SHKBP1: variants seen among roughly 807,000 people sequenced by gnomAD.
SHKBP1 encodes SH3KBP1 binding protein 1, also known as SH3KBP1-binding protein 1.
In SHKBP1, 71 loss-of-function variants were observed where a neutral mutation model predicts 83.9. The observed-to-expected ratio is 0.85, with a 90% CI of 0.70 to 1.03. The LOEUF (loss-of-function observed/expected upper bound fraction) is 1.03, where lower values mean the gene tolerates loss of function less well. SHKBP1 is among the 50% of genes least tolerant of loss of function. The pLI is 0.00. For missense variants in SHKBP1, 824 were observed against 982.4 expected (o/e 0.84, Z 2.16); for synonymous variants, 371 against 398.0 (o/e 0.93, Z 0.81).
intron 13 of SHKBP1, 78 bp from the exon 14 acceptor site, chr19:40,588,546 T>C: frequency 6.4e-7 from 1 of 1,565,450 alleles, no homozygotes; most frequent in Non-Finnish European, 8.8e-7. Context: ...GAAACGGGGC[T>C]GTCCTGAGGC....
intron 12 of SHKBP1, among the ~76,000 whole-genome samples, chr19:40,586,024 C>T (rs958763767): frequency 3.9e-5 from 6 of 151,922 alleles, no homozygotes; most frequent in Admixed American, 2.6e-4. Context: ...CCTACTTCAG[C>T]CTCTTGAGTA....
chr19:40,582,772 T>C (rs544767737), intron 10 of SHKBP1, among the ~76,000 whole-genome samples: 16 of 151,932 alleles, frequency 1.1e-4, no homozygotes, highest in South Asian at 4.2e-4. Flanking sequence ...AAGAACTGGC[T>C]TGGCTCGGTG....
At chr19:40,588,923 C>A in intron 14 of SHKBP1, 144 bp downstream of exon 14, 2 of 1,297,766 alleles carry the variant, frequency 1.5e-6, no homozygotes, top group South Asian at 1.3e-5. Context: ...CTGAGCTCCA[C>A]TGACTGCCAC....
At position 40,590,652 on chromosome 19, in the gene SHKBP1, G is replaced by A; in HGVS notation, c.1769-78G>A. The stretch of plus-strand genomic sequence containing the variant: ...CCTCTCTCCTGTCCTGACCCTCGGT[G>A]CTTGCACTGCAATGCAACCCAGGCC... On this transcript the variant is annotated intron_variant, in intron 16 of 17. Transcript: ENST00000291842. The surrounding 1 kb of genome is among the most constrained non-coding windows in gnomAD (Gnocchi z 4.6). 1 of 1,493,660 alleles carries A rather than the reference G, an allele frequency of 6.7e-7. No homozygotes were observed. Among genetic ancestry groups the A allele is most frequent in the South Asian group, 1.3e-5 (1 of 76,986 alleles). The allele number at this position is 1,493,660 out of a possible 1,614,324, so 92.5% of individuals were successfully genotyped here.
chr19:40,578,018 C>A, intron 4 of SHKBP1, 136 bp from the exon 5 acceptor site: 1 of 744,158 alleles, frequency 1.3e-6, no homozygotes, highest in Non-Finnish European at 2.4e-6. Flanking sequence ...CCCATATCAT[C>A]ACTCCTTAGC....
chr19:40,591,212 C>T lies in SHKBP1; in HGVS notation c.*5C>T, dbSNP rs758228415. 1.8e-5 allele frequency: 29 copies of T among 1,569,784 alleles called. 1 individual carries two copies. Among genetic ancestry groups the T allele is most frequent in the South Asian group, 1.0e-4 (9 of 86,248 alleles). On this transcript the variant is annotated 3_prime_UTR_variant, in exon 18 of 18. Coordinates refer to ENST00000291842, the MANE Select transcript of SHKBP1 (RefSeq NM_138392.4). Reference sequence around the variant, plus strand: ...CTCAATGAAACTTCCTTTTGAACAACGCAGCTGCCATGATGCCTTGGGATG... The same window carrying T: ...CTCAATGAAACTTCCTTTTGAACAATGCAGCTGCCATGATGCCTTGGGATG...
chr19:40,588,126 G>A (rs949729526), intron 13 of SHKBP1, among the ~76,000 whole-genome samples: 8 of 152,198 alleles, frequency 5.3e-5, no homozygotes, highest in Admixed American at 3.3e-4. Context: ...GCTCTGAGGT[G>A]AGAGGATGCC....
intron 14 of SHKBP1, 69 bp downstream of exon 14, chr19:40,588,848 T>C: frequency 6.4e-7 from 1 of 1,573,780 alleles, no homozygotes; most frequent in Non-Finnish European, 8.6e-7. Flanking sequence ...CCTCCGCTGA[T>C]TCCCACTTGC....
Position 40,580,393 on chromosome 19 carries a change from CT to C in SHKBP1, c.471del (p.Val158SerfsTer57), listed in dbSNP as rs748768116. The C allele has an allele frequency of 6.2e-7, 1 of 1,614,254 alleles. No individual in the cohort carries two copies. Among genetic ancestry groups the C allele is most frequent in the Non-Finnish European group, 8.5e-7 (1 of 1,180,052 alleles). ...GPQQLGGRPA[P>X]VRRSNTMPPN... ...CAGCAGCTAGGAGGACGGCCAGCCCCTGTCCGACGGAGCAACACGATGCCCC... is the reference window on the plus strand; with the variant it reads ...CAGCAGCTAGGAGGACGGCCAGCCCCGTCCGACGGAGCAACACGATGCCCC... On this transcript the variant is annotated frameshift_variant, in exon 7 of 18. Coordinates refer to ENST00000291842, the MANE Select transcript of SHKBP1 (RefSeq NM_138392.4). LOFTEE classifies it high-confidence loss of function.
chr19:40,591,310 G>A lies in SHKBP1; in HGVS notation c.*103G>A. The A allele has an allele frequency of 5.0e-6, 5 of 1,001,546 alleles. No homozygotes were observed. Among genetic ancestry groups the A allele is most frequent in the Non-Finnish European group, 5.7e-6 (4 of 700,270 alleles). The allele number at this position is 1,001,546 out of a possible 1,614,324, so 62.0% of individuals were successfully genotyped here. ...CCGGGTTCAGGGCCAGGGCCTCCTT[G>A]GAATAAATGGTTATTGTTACTAGGT... is the stretch of plus-strand genomic sequence containing the variant. On this transcript the variant is annotated 3_prime_UTR_variant, in exon 18 of 18. Transcript: ENST00000291842.
In SHKBP1 at chr19:40,576,962, T is replaced by C. The variant is rs16974365; in HGVS notation, c.63T>C (p.Ile21=). Residue 21 remains isoleucine (I), a synonymous_variant, in exon 1 of 18, where the codon ATT becomes ATC. Coordinates refer to ENST00000291842, the MANE Select transcript of SHKBP1 (RefSeq NM_138392.4). The part of the protein sequence containing the change: ...VPSRGPPGEV[I]HLNVGGKRFS... ...GTCGGGGGCCTCCCGGGGAAGTCAT[T>C]CATCTGAATGTGGGAGGCAAGAGGT... is the stretch of plus-strand genomic sequence containing the variant. 0.18 allele frequency: 274,065 copies of C among 1,504,464 alleles called. 26,693 individuals are homozygous for C. Among genetic ancestry groups the C allele is most frequent in the East Asian group, 0.23 (9,303 of 40,286 alleles). 93.2% of individuals were successfully genotyped at this position (1,504,464 alleles called of 1,614,324 possible).
chr19:40,588,574 C>T (rs754275419), intron 13 of SHKBP1, 50 bp from the exon 14 acceptor site: 2 of 1,609,946 alleles, frequency 1.2e-6, no homozygotes, highest in Non-Finnish European at 1.7e-6. Flanking sequence ...GGGCAGGCAG[C>T]ATTGATGCCT....
rs375160057 is a variant in SHKBP1, at chr19:40,589,772, G to A, written c.1590-472G>A. ...TGCAGAGGCTGAGAAGGGCCAAATA[G>A]GGTCACATGGGAAGGACACGTGGGC... is the stretch of plus-strand genomic sequence containing the variant. On this transcript the variant is annotated intron_variant, in intron 15 of 17. Coordinates refer to ENST00000291842, the MANE Select transcript of SHKBP1 (RefSeq NM_138392.4). Among the ~76,000 whole-genome samples the A allele has an allele frequency of 7.2e-5, 11 of 152,214 alleles. No homozygotes were observed. In the East Asian group the frequency reaches 1.2e-3, roughly 16 times the overall value.
chr19:40,587,048 G>C, intron 13 of SHKBP1, 104 bp downstream of exon 13: 1 of 1,112,194 alleles, frequency 9.0e-7, no homozygotes, highest in Non-Finnish European at 1.3e-6. Context: ...TGTGTAGGAA[G>C]AGAGCTCTGG....
At chr19:40,587,689 C>T (rs1377480481) in intron 13 of SHKBP1, among the ~76,000 whole-genome samples, 1 of 152,134 alleles carries the variant, frequency 6.6e-6, no homozygotes, top group African/African-American at 2.4e-5. Flanking sequence ...TTGCTTGAGG[C>T]TAGGAGTGTG....
chr19:40,578,313 A>G (rs1599836817), intron 5 of SHKBP1, 101 bp downstream of exon 5: 1 of 1,466,144 alleles, frequency 6.8e-7, no homozygotes, highest in Middle Eastern at 1.8e-4. Flanking sequence ...GGGCTGGGGT[A>G]GAGGTGGGAG....
In SHKBP1 at chr19:40,580,565, G is replaced by A; in HGVS notation, c.563-1G>A. 6 of 1,614,166 alleles carry A rather than the reference G, an allele frequency of 3.7e-6. No homozygotes were observed. Among genetic ancestry groups the A allele is most frequent in the Non-Finnish European group, 5.1e-6 (6 of 1,180,024 alleles). On this transcript the variant is annotated splice_acceptor_variant, in intron 7 of 17. Coordinates refer to ENST00000291842, the MANE Select transcript of SHKBP1 (RefSeq NM_138392.4). LOFTEE classifies it high-confidence loss of function. ...TTCTGATCCCTACTCTTCCCCTCAA[G>A]GACAACCTGAGGAGCCGGGGATGGT...
In SHKBP1 at chr19:40,577,378, G is replaced by T; in HGVS notation, c.141-18G>T. ...CTCCCCCGGCCCGTGACGCCTGCTC[G>T]GTGTCCCTTCCCTGCAGTCTTCTGA... On this transcript the variant is annotated intron_variant, in intron 2 of 17. Transcript: ENST00000291842. 1.2e-6 allele frequency: 2 copies of T among 1,613,998 alleles called. No individual in the cohort carries two copies. Among genetic ancestry groups the T allele is most frequent in the Non-Finnish European group, 1.7e-6 (2 of 1,179,988 alleles).
chr19:40,583,412 G>A lies in SHKBP1; in HGVS notation c.975G>A (p.Gln325=). The A allele has an allele frequency of 6.3e-7, 1 of 1,588,710 alleles. No homozygotes were observed. The highest frequency in any genetic ancestry group is 1.1e-5 in the South Asian group (1 of 88,034). ...CCCACCCCCAGGTCCAGGAGGTGCA[G>A]CCCATCACCAGTTATGACGCGGCAG... ...VTKHWQVQEV[Q]PITSYDAAGS... The change falls in exon 11 of 18, where the codon CAG becomes CAA. Residue 325 remains glutamine, a synonymous_variant. Transcript: ENST00000291842.
Sources: gnomAD v4.1 joint callset for allele counts (sites outside exome capture counted in the v4.1 genomes callset) on GRCh38, gnomAD v4.1.1 for gene constraint, Gnocchi (gnomAD v3.1) non-coding constraint, MANE v1.5 for transcripts, NCBI Gene and HGNC (gene_info 2026-07-23, HGNC 2026-07-21) for gene names.